Variants in PLCG1 observed in about 807,000 individuals in gnomAD.
The protein encoded by PLCG1 is 1-phosphatidylinositol 4,5-bisphosphate phosphodiesterase gamma-1.
A neutral mutation model predicts 177.8 loss-of-function variants in PLCG1; 71 were observed. The observed-to-expected ratio is 0.40, with a 90% CI of 0.33 to 0.49. The LOEUF (loss-of-function observed/expected upper bound fraction) is 0.49. Among genes scored for constraint, PLCG1 ranks in the 20% least tolerant of loss-of-function variants. PLCG1 has a pLI of 0.72. For missense variants in PLCG1, 1,281 were observed against 1,709.0 expected (o/e 0.75, Z 4.42); for synonymous variants, 658 against 647.9 (o/e 1.02, Z -0.24).
Position 41,176,674 on chromosome 20 carries a change from T to A in PLCG1, c.*2165T>A, listed in dbSNP as rs1280626545. The A allele has an allele frequency of 6.6e-6, 1 of 152,148 alleles. No individual in the cohort carries two copies. The highest frequency in any genetic ancestry group is 6.6e-5 in the Admixed American group (1 of 15,266). 9.4% of individuals were successfully genotyped at this position (152,148 alleles called of 1,614,324 possible). A position where few individuals can be genotyped will look rare whatever the true frequency, so the allele number is the denominator to read the frequency against. ...ACCTCTCTTGGGCTCTGTAAGACAT[T>A]GCCTTTGCCTCACTGCAAATGTTTT... On this transcript the variant is annotated 3_prime_UTR_variant, in exon 32 of 32. Transcript: ENST00000685551.
rs34454281 is a variant in PLCG1 at position 41,163,101 on chromosome 20, C to T, written c.717-102C>T. The T allele has an allele frequency of 0.079, 118,015 of 1,494,158 alleles. 5,182 individuals are homozygous for T. The highest frequency in any genetic ancestry group is 0.17 in the Middle Eastern group (958 of 5,806). The allele number at this position is 1,494,158 out of a possible 1,614,324, so 92.6% of individuals were successfully genotyped here. A position where few individuals can be genotyped will look rare whatever the true frequency, so the allele number is the denominator to read the frequency against. On this transcript the variant is annotated intron_variant, in intron 7 of 31. Coordinates refer to ENST00000685551, the MANE Select transcript of PLCG1 (RefSeq NM_002660.3). The surrounding 1 kb of genome is among the most constrained non-coding windows in gnomAD (Gnocchi z 5.2). ...AGTGGGAGTAGGGAACCATGCTGGA[C>T]CATTCTGGGAAGCTGTGCTGGCTGG... is the stretch of plus-strand genomic sequence containing the variant.
chr20:41,168,991 C>A, intron 21 of PLCG1, 88 bp from the exon 22 acceptor site: 1 of 1,218,048 alleles, frequency 8.2e-7, no homozygotes, highest in Non-Finnish European at 1.2e-6. Context: ...CTCACCCTGG[C>A]TTAGGCATGG....
rs764020932 is a variant in PLCG1 at position 41,173,987 on chromosome 20, C to T, written c.3621C>T (p.Ile1207=). 1.2e-5 allele frequency: 19 copies of T among 1,613,962 alleles called. No homozygotes were observed. The Admixed American group carries it at 3.2e-4, about 27-fold the overall frequency. Residue 1207 remains isoleucine (I), a synonymous_variant, in exon 30 of 32, where the codon ATC becomes ATT. Coordinates refer to ENST00000685551, the MANE Select transcript of PLCG1 (RefSeq NM_002660.3). The surrounding 1 kb of genome is among the most constrained non-coding windows in gnomAD (Gnocchi z 6.2). ...ACCTGGAGTTGGCCTCCCTGCTGATCAAGATTGACATTTTCCCTGCCAAGG... is the reference window on the plus strand; with the variant it reads ...ACCTGGAGTTGGCCTCCCTGCTGATTAAGATTGACATTTTCCCTGCCAAGG... ...SEDLELASLL[I]KIDIFPAKQE...
chr20:41,145,392 T>A (rs1300710566), intron 1 of PLCG1, among the ~76,000 whole-genome samples: 1 of 152,212 alleles, frequency 6.6e-6, no homozygotes, highest in Non-Finnish European at 1.5e-5. Context: ...GAGTGCTGCC[T>A]GTGTGGGTCA....
intron 1 of PLCG1, among the ~76,000 whole-genome samples, chr20:41,149,713 G>T (rs1020215975): frequency 6.6e-6 from 1 of 152,174 alleles, no homozygotes. Context: ...GCAGAGCACC[G>T]GAAGAGAGGA....
chr20:41,140,865 G>A (rs1175308288), intron 1 of PLCG1, among the ~76,000 whole-genome samples: 7 of 152,210 alleles, frequency 4.6e-5, no homozygotes, highest in African/African-American at 1.4e-4. Flanking sequence ...ATGGAGAATC[G>A]TTTGTGCCCA....
intron 1 of PLCG1, among the ~76,000 whole-genome samples, chr20:41,158,778 GTT>G (rs1206188354): frequency 6.6e-6 from 1 of 152,250 alleles, no homozygotes; most frequent in Non-Finnish European, 1.5e-5. Context: ...GCTCGTGCAT[GTT>G]TTTTCTACCA....
In PLCG1 at chr20:41,172,111, G is replaced by T; in HGVS notation, c.2809-82G>T. 9.7e-7 allele frequency: 1 copy of T among 1,034,076 alleles called. No homozygotes were observed. The highest frequency in any genetic ancestry group is 1.5e-6 in the Non-Finnish European group (1 of 651,336). 64.1% of individuals were successfully genotyped at this position (1,034,076 alleles called of 1,614,324 possible). ...AGGGGCCCAGAGCACCTGCAGTGTG[G>T]GCATGCCCAAGGTTGGCAGGGGCTT... On this transcript the variant is annotated intron_variant, in intron 24 of 31. Transcript: ENST00000685551. This position sits in a 1 kb window ranked among gnomAD's most constrained non-coding sequence, Gnocchi z 7.0.
chr20:41,172,875 G>C lies in PLCG1; in HGVS notation c.3277G>C (p.Glu1093Gln). Residue 1093 changes from glutamate to glutamine, a missense_variant and splice_region_variant, in exon 27 of 32, where the codon GAG becomes CAG. Glu to Gln is a conservative substitution (Grantham distance 29, BLOSUM62 2). This residue lies in a region of PLCG1 where 723 missense variants were observed against 1,030.0 expected (regional missense o/e 0.70). Transcript: ENST00000685551. The surrounding 1 kb of genome is among the most constrained non-coding windows in gnomAD (Gnocchi z 7.0). ...GCTGGAGCCATGTGCCATCTCTATT[G>C]AGGTGGGTGCTGCTCATCTGGGCTT... ...RGLEPCAISI[E>Q]VLGARHLPKN... is the part of the protein sequence containing the mutation. 1 of 1,613,906 alleles carries C rather than the reference G, an allele frequency of 6.2e-7. No individual in the cohort carries two copies. The highest frequency in any genetic ancestry group is 8.5e-7 in the Non-Finnish European group (1 of 1,179,924).
intron 1 of PLCG1, among the ~76,000 whole-genome samples, chr20:41,149,833 T>G (rs1297180483): frequency 2.6e-5 from 4 of 152,014 alleles, no homozygotes. Context: ...AGGGCAGAGC[T>G]TCAAGGAGAG....
At position 41,177,159 on chromosome 20, in the gene PLCG1, T is replaced by G. The variant is rs909484809; in HGVS notation, c.*2650T>G. 7 of 152,246 alleles carry G rather than the reference T, an allele frequency of 4.6e-5. No individual in the cohort carries two copies. Among genetic ancestry groups the G allele is most frequent in the African/African-American group, 1.7e-4 (7 of 41,454 alleles). 9.4% of individuals were successfully genotyped at this position (152,246 alleles called of 1,614,324 possible). A position where few individuals can be genotyped will look rare whatever the true frequency, so the allele number is the denominator to read the frequency against. The stretch of plus-strand genomic sequence containing the variant: ...GATGGGCTCCCTTGCAGGCTCCTTG[T>G]TCTCCTGCCATCACCAGTAGAACCT... On this transcript the variant is annotated 3_prime_UTR_variant, in exon 32 of 32. Transcript: ENST00000685551.
chr20:41,160,267 G>T lies in PLCG1; in HGVS notation c.512+114G>T, dbSNP rs1431933009. The T allele has an allele frequency of 1.1e-6, 1 of 904,930 alleles. No homozygotes were observed. Among genetic ancestry groups the T allele is most frequent in the Non-Finnish European group, 1.8e-6 (1 of 555,938 alleles). The allele number at this position is 904,930 out of a possible 1,614,324, so 56.1% of individuals were successfully genotyped here. ...CAGAGGACCCAGGGGACCTTAAGTGGGGCCAGGAGGGTGGGCAGAAGGTTC... is the reference window on the plus strand; with the variant it reads ...CAGAGGACCCAGGGGACCTTAAGTGTGGCCAGGAGGGTGGGCAGAAGGTTC... On this transcript the variant is annotated intron_variant, in intron 4 of 31. Transcript: ENST00000685551. The surrounding 1 kb of genome is among the most constrained non-coding windows in gnomAD (Gnocchi z 5.5).
At chr20:41,158,925 C>CTCT (rs2035406029) in intron 1 of PLCG1, among the ~76,000 whole-genome samples, 2 of 152,340 alleles carry the variant, frequency 1.3e-5, no homozygotes, top group Admixed American at 1.3e-4. Flanking sequence ...CTATTCAAGC[C>CTCT]CGTGTACCTC....
Position 41,165,750 on chromosome 20 carries a change from G to A in PLCG1, c.1723G>A (p.Glu575Lys), listed in dbSNP as rs2035664027. The A allele has an allele frequency of 4.3e-6, 7 of 1,612,454 alleles. No homozygotes were observed. Among genetic ancestry groups the A allele is most frequent in the Non-Finnish European group, 5.9e-6 (7 of 1,178,822 alleles). Residue 575 changes from glutamate (E) to lysine (K), a missense_variant, in exon 16 of 32, where the codon GAG becomes AAG. By Grantham distance (56) the Glu-to-Lys change is moderately conservative. Around this residue, in one of 4 missense-constraint regions of PLCG1, gnomAD observed 723 missense variants for 1,030.0 expected, o/e 0.70. Transcript: ENST00000685551. The surrounding 1 kb of genome is among the most constrained non-coding windows in gnomAD (Gnocchi z 6.6). ...GCGCCTGCTTACTGAGTACTGCATC[G>A]AGACCGGAGCCCCTGACGGCTCCTT... ...AERLLTEYCI[E>K]TGAPDGSFLV...
In PLCG1 at chr20:41,165,183, C is replaced by G; in HGVS notation, c.1387-62C>G. On this transcript the variant is annotated intron_variant, in intron 13 of 31. Transcript: ENST00000685551. The surrounding 1 kb of genome is among the most constrained non-coding windows in gnomAD (Gnocchi z 6.6). ...ATGGCTTCAGCTGTTGGGCCTAAAC[C>G]TGGGTGAGGAGGTGGGGTGAGGACT... The G allele has an allele frequency of 5.0e-6, 8 of 1,606,630 alleles. No homozygotes were observed. The highest frequency in any genetic ancestry group is 6.8e-6 in the Non-Finnish European group (8 of 1,175,490).
rs376894420 is a variant in PLCG1, at chr20:41,166,869, C to T, written c.2301+10C>T. 3.1e-6 allele frequency: 5 copies of T among 1,612,296 alleles called. No homozygotes were observed. The highest frequency in any genetic ancestry group is 4.2e-6 in the Non-Finnish European group (5 of 1,178,642). ...GAAGATTGGCACAGCTGTGAGGGGG[C>T]TGTGGTAGACGGGGCATGGCAGGGG... On this transcript the variant is annotated intron_variant, in intron 19 of 31. Coordinates refer to ENST00000685551, the MANE Select transcript of PLCG1 (RefSeq NM_002660.3). The surrounding 1 kb of genome is among the most constrained non-coding windows in gnomAD (Gnocchi z 8.6).
In PLCG1 at chr20:41,160,269, G is replaced by A. The variant is rs2035454372; in HGVS notation, c.512+116G>A. The A allele has an allele frequency of 3.3e-6, 3 of 905,144 alleles. No individual in the cohort carries two copies. The highest frequency in any genetic ancestry group is 2.5e-5 in the East Asian group (1 of 39,786). The allele number at this position is 905,144 out of a possible 1,614,324, so 56.1% of individuals were successfully genotyped here. ...GAGGACCCAGGGGACCTTAAGTGGG[G>A]CCAGGAGGGTGGGCAGAAGGTTCTG... On this transcript the variant is annotated intron_variant, in intron 4 of 31. Transcript: ENST00000685551. This position sits in a 1 kb window ranked among gnomAD's most constrained non-coding sequence, Gnocchi z 5.5.
At position 41,163,018 on chromosome 20, in the gene PLCG1, G is replaced by A. The variant is rs751034781; in HGVS notation, c.716+26G>A. 1 of 1,611,430 alleles carries A rather than the reference G, an allele frequency of 6.2e-7. No individual in the cohort carries two copies. Among genetic ancestry groups the A allele is most frequent in the Non-Finnish European group, 8.5e-7 (1 of 1,177,560 alleles). ...GTTTGGTTTGGAGTGGGGAGGTGGG[G>A]TTTTCCCTGGGCCCCCTTCATCTCT... On this transcript the variant is annotated intron_variant, in intron 7 of 31. Transcript: ENST00000685551. The surrounding 1 kb of genome is among the most constrained non-coding windows in gnomAD (Gnocchi z 5.2).
Position 41,163,576 on chromosome 20 carries a change from C to T in PLCG1, c.891+97C>T. The T allele has an allele frequency of 9.2e-7, 1 of 1,081,500 alleles. No homozygotes were observed. The highest frequency in any genetic ancestry group is 1.3e-5 in the South Asian group (1 of 79,414). 67.0% of individuals were successfully genotyped at this position (1,081,500 alleles called of 1,614,324 possible). ...AGGAGCTAGACGCTCCTTAGGGATG[C>T]CACCTTGTTTCTACCTACTGTGCAC... is the stretch of plus-strand genomic sequence containing the variant. On this transcript the variant is annotated intron_variant, in intron 9 of 31. Transcript: ENST00000685551. This position sits in a 1 kb window ranked among gnomAD's most constrained non-coding sequence, Gnocchi z 5.2.
Sources: gnomAD v4.1 joint callset for allele counts (sites outside exome capture counted in the v4.1 genomes callset) on GRCh38, gnomAD v4.1.1 for gene constraint, gnomAD v4.1.1 regional missense constraint, Gnocchi (gnomAD v3.1) non-coding constraint, MANE v1.5 for transcripts, NCBI Gene and HGNC (gene_info 2026-07-23, HGNC 2026-07-21) for gene names.